Variants in PARD3B observed in about 807,000 individuals in gnomAD.
PARD3B encodes the protein partitioning defective 3 homolog B.
Under a neutral mutation model 130.2 loss-of-function variants are expected in PARD3B, and 103 were observed. The observed-to-expected ratio is 0.79, with a 90% CI of 0.67 to 0.93. The LOEUF (loss-of-function observed/expected upper bound fraction) is 0.93, where lower values mean the gene tolerates loss of function less well. Ranked by LOEUF, PARD3B falls within the 40% of genes least tolerant of loss-of-function variation. The pLI is 0.00. For synonymous variants in PARD3B, 583 were observed against 553.2 expected (o/e 1.05, Z -0.76); for missense variants, 1,609 against 1,499.2 (o/e 1.07, Z -1.21).
intron 3 of PARD3B, among the ~76,000 whole-genome samples, chr2:205,018,445 C>T (rs1206864584): frequency 2.0e-5 from 3 of 152,020 alleles, no homozygotes; most frequent in Non-Finnish European, 2.9e-5. Flanking sequence ...TATAGCAACC[C>T]TTCTGAACCT....
At chr2:205,136,901 C>T (rs2032535838) in intron 10 of PARD3B, among the ~76,000 whole-genome samples, 1 of 152,164 alleles carries the variant, frequency 6.6e-6, no homozygotes, top group African/African-American at 2.4e-5. Context: ...CAAGTATTTA[C>T]TGAACACCTA....
intron 21 of PARD3B, among the ~76,000 whole-genome samples, chr2:205,513,894 A>ATAGAT (rs1360391667): frequency 2.0e-5 from 3 of 152,110 alleles, no homozygotes; most frequent in African/African-American, 4.8e-5. Context: ...AATTAACGAG[A>ATAGAT]TAGATTTGCT....
At chr2:204,913,397 T>C (rs2047319987) in intron 2 of PARD3B, among the ~76,000 whole-genome samples, 1 of 152,180 alleles carries the variant, frequency 6.6e-6, no homozygotes, top group African/African-American at 2.4e-5. Flanking sequence ...TTATATGACT[T>C]TTGAGACGAT....
intron 16 of PARD3B, among the ~76,000 whole-genome samples, chr2:205,285,531 C>G (rs1340607185): frequency 6.6e-6 from 1 of 152,102 alleles, no homozygotes; most frequent in East Asian, 1.9e-4. Flanking sequence ...CACTAAGGTC[C>G]TTGTTGGTCT....
intron 2 of PARD3B, among the ~76,000 whole-genome samples, chr2:204,751,928 T>A (rs2040480979): frequency 6.6e-6 from 1 of 152,216 alleles, no homozygotes; most frequent in South Asian, 2.1e-4. Flanking sequence ...GGAACATTAT[T>A]TCCATAATAC....
At chr2:205,179,170 G>C (rs1324102342) in intron 13 of PARD3B, among the ~76,000 whole-genome samples, 1 of 152,114 alleles carries the variant, frequency 6.6e-6, no homozygotes, top group African/African-American at 2.4e-5. Context: ...AAAGCTTATA[G>C]AATAAAGATA....
intron 10 of PARD3B, among the ~76,000 whole-genome samples, chr2:205,129,711 C>T (rs990509511): frequency 6.6e-6 from 1 of 152,194 alleles, no homozygotes; most frequent in East Asian, 1.9e-4. Flanking sequence ...TGCCTAGTTT[C>T]CGACGCTTAA....
chr2:205,035,174 C>T (rs1461550581), intron 3 of PARD3B, among the ~76,000 whole-genome samples: 1 of 152,034 alleles, frequency 6.6e-6, no homozygotes, highest in Non-Finnish European at 1.5e-5. Flanking sequence ...GCCATGTGTT[C>T]TTTAATCACC....
At chr2:205,143,868 A>C (rs1162861390) in intron 10 of PARD3B, among the ~76,000 whole-genome samples, 1 of 152,190 alleles carries the variant, frequency 6.6e-6, no homozygotes, top group Non-Finnish European at 1.5e-5. Flanking sequence ...CAAATAGAAA[A>C]TGTGATACCT....
At chr2:204,973,573 CA>C (rs35677886) in intron 3 of PARD3B, among the ~76,000 whole-genome samples, 2,536 of 132,954 alleles carry the variant, frequency 0.019, 31 homozygotes, top group African/African-American at 0.041. Flanking sequence ...GATGGGCAGG[CA>C]AAAAAAAAAA....
chr2:205,610,643 G>C (rs1306851139), intron 22 of PARD3B, among the ~76,000 whole-genome samples: 3 of 152,124 alleles, frequency 2.0e-5, no homozygotes, highest in Non-Finnish European at 4.4e-5. Flanking sequence ...ACTCTGTAGG[G>C]CAACAGAGAT....
At chr2:205,097,266 A>G (rs1702456687) in intron 4 of PARD3B, among the ~76,000 whole-genome samples, 1 of 152,124 alleles carries the variant, frequency 6.6e-6, no homozygotes, top group African/African-American at 2.4e-5. Context: ...AGAATCCATA[A>G]CATAAGTAAT....
chr2:205,416,912 T>C (rs1290260407), intron 19 of PARD3B, among the ~76,000 whole-genome samples: 1 of 152,108 alleles, frequency 6.6e-6, no homozygotes. Flanking sequence ...AGGGAACAAC[T>C]GAACCTTTCT....
chr2:205,257,902 A>G (rs1046364938), intron 16 of PARD3B, among the ~76,000 whole-genome samples: 4 of 152,130 alleles, frequency 2.6e-5, no homozygotes, highest in Non-Finnish European at 5.9e-5. Context: ...TTCAGGATAC[A>G]TTAACAATGA....
intron 2 of PARD3B, among the ~76,000 whole-genome samples, chr2:204,822,382 G>A (rs2043395390): frequency 6.6e-6 from 1 of 152,208 alleles, no homozygotes; most frequent in Non-Finnish European, 1.5e-5. Context: ...TAGGCCTGGT[G>A]AAGATGCTAT....
At chr2:205,358,010 A>C (rs536020576) in intron 18 of PARD3B, among the ~76,000 whole-genome samples, 26 of 152,224 alleles carry the variant, frequency 1.7e-4, no homozygotes, top group African/African-American at 5.3e-4. Flanking sequence ...GACATTCCTC[A>C]CCTCATATGG....
intron 3 of PARD3B, among the ~76,000 whole-genome samples, chr2:204,977,590 A>G (rs1692283756): frequency 6.6e-6 from 1 of 152,118 alleles, no homozygotes; most frequent in Non-Finnish European, 1.5e-5. Context: ...CGGGTGGATC[A>G]CGAGGTCAGG....
chr2:204,600,572 G>A (rs1455024666), intron 1 of PARD3B, among the ~76,000 whole-genome samples: 2 of 151,838 alleles, frequency 1.3e-5, no homozygotes, highest in East Asian at 3.9e-4. Flanking sequence ...TAGCTTTGTA[G>A]TATATTTTGA....
chr2:205,301,774 C>G lies in PARD3B; in HGVS notation c.2630+73C>G. The G allele has an allele frequency of 6.2e-7, 1 of 1,613,144 alleles. No individual in the cohort carries two copies. Among genetic ancestry groups the G allele is most frequent in the Non-Finnish European group, 8.5e-7 (1 of 1,179,134 alleles). ...TGGTAAAATCACTCCTTTGTCTGTA[C>G]TCAGAAAAAAGCGCACGCTTTTCCT... On this transcript the variant is annotated intron_variant, in intron 18 of 22. Coordinates refer to ENST00000406610, the MANE Select transcript of PARD3B (RefSeq NM_001302769.2). This position sits in a 1 kb window ranked among gnomAD's most constrained non-coding sequence, Gnocchi z 5.2.
Sources: allele counts gnomAD v4.1 joint callset (sites outside exome capture counted in the v4.1 genomes callset), GRCh38; gene constraint gnomAD v4.1.1; non-coding constraint Gnocchi (gnomAD v3.1); transcripts MANE v1.5; gene names NCBI Gene and HGNC (gene_info 2026-07-23, HGNC 2026-07-21).